The following ARID1B variants were observed in gnomAD, a reference collection of about 807,000 sequenced individuals.
ARID1B encodes the protein AT-rich interactive domain-containing protein 1B.
A neutral mutation model predicts 212.3 loss-of-function variants in ARID1B; 30 were observed. The observed-to-expected ratio is 0.14, with a 90% CI of 0.11 to 0.19. The LOEUF is 0.19. Among genes scored for constraint, ARID1B ranks in the 10% least tolerant of loss-of-function variants. The probability of loss-of-function intolerance (pLI) is 1.00; values close to 1 mark genes in which losing one functional copy is unlikely to be tolerated. For missense variants in ARID1B, 2,891 were observed against 3,204.0 expected (o/e 0.90, Z 2.36); for synonymous variants, 1,402 against 1,301.7 (o/e 1.08, Z -1.66).
At chr6:157,083,588 A>T (rs1051925657) in intron 4 of ARID1B, among the ~76,000 whole-genome samples, 9 of 152,144 alleles carry the variant, frequency 5.9e-5, no homozygotes, top group African/African-American at 2.2e-4. Flanking sequence ...GTCCTCAGTA[A>T]CGTAACCTTC....
intron 4 of ARID1B, among the ~76,000 whole-genome samples, chr6:156,988,423 G>T (rs956839117): frequency 1.3e-5 from 2 of 152,070 alleles, no homozygotes; most frequent in Admixed American, 6.5e-5. Flanking sequence ...CAGGGGATTC[G>T]CTGCAAACCA....
chr6:156,932,211 C>T (rs967750175), intron 3 of ARID1B, among the ~76,000 whole-genome samples: 59 of 151,238 alleles, frequency 3.9e-4, no homozygotes, highest in East Asian at 9.7e-4. Context: ...ATTACTACTA[C>T]GCTAAACTTT....
At chr6:156,796,700 A>C (rs895274182) in intron 1 of ARID1B, among the ~76,000 whole-genome samples, 2 of 152,224 alleles carry the variant, frequency 1.3e-5, no homozygotes, top group Admixed American at 6.5e-5. Flanking sequence ...TCTTCCAGGC[A>C]TAGAGAATAG....
chr6:156,973,082 A>C (rs1423108321), intron 4 of ARID1B, among the ~76,000 whole-genome samples: 1 of 152,240 alleles, frequency 6.6e-6, no homozygotes, highest in East Asian at 1.9e-4. Context: ...ACATCATATA[A>C]GCAAAAGCCT....
chr6:156,778,845 G>A lies in ARID1B; in HGVS notation c.1165G>A (p.Ala389Thr), dbSNP rs1433649499. 7.1e-7 allele frequency: 1 copy of A among 1,417,746 alleles called. No individual in the cohort carries two copies. Among genetic ancestry groups the A allele is most frequent in the Admixed American group, 3.0e-5 (1 of 33,014 alleles). The allele number at this position is 1,417,746 out of a possible 1,614,324, so 87.8% of individuals were successfully genotyped here. A position where few individuals can be genotyped will look rare whatever the true frequency, so the allele number is the denominator to read the frequency against. The change falls in exon 1 of 20, where the codon GCG becomes ACG. Residue 389 changes from alanine (A) to threonine (T), a missense_variant. Physicochemically the swap from Ala to Thr is moderately conservative, Grantham distance 58. Transcript: ENST00000636930. ...NHYPGYSRPG[A>T]GGGGGGGGGG... ...TTATCCGGGCTACAGCCGGCCCGGC[G>A]CGGGCGGCGGCGGCGGCGGCGGCGG...
chr6:157,010,404 C>A (rs1039529158), intron 4 of ARID1B, among the ~76,000 whole-genome samples: 4 of 151,062 alleles, frequency 2.6e-5, no homozygotes, highest in Admixed American at 2.6e-4. Context: ...CTCACTGCAA[C>A]CTCCACCTCC....
chr6:156,977,323 A>G (rs1179312628), intron 4 of ARID1B, among the ~76,000 whole-genome samples: 2 of 148,658 alleles, frequency 1.3e-5, no homozygotes, highest in Non-Finnish European at 3.0e-5. Context: ...AACTAAATAT[A>G]TATATTAGAC....
chr6:156,881,729 A>C (rs1472545148), intron 2 of ARID1B, among the ~76,000 whole-genome samples: 2 of 152,160 alleles, frequency 1.3e-5, no homozygotes, highest in African/African-American at 4.8e-5. Flanking sequence ...ATTCCTTAAA[A>C]ATTGCCTCAC....
intron 4 of ARID1B, among the ~76,000 whole-genome samples, chr6:157,017,712 C>T (rs1779987216): frequency 6.6e-6 from 1 of 152,148 alleles, no homozygotes; most frequent in South Asian, 2.1e-4. Flanking sequence ...TTAGGACAAT[C>T]CATGAGTAAA....
chr6:157,188,193 CAACTT>C (rs1793113271), intron 13 of ARID1B, among the ~76,000 whole-genome samples: 1 of 151,448 alleles, frequency 6.6e-6, no homozygotes. Context: ...ATGTACCCCT[CAACTT>C]AAAGTTTAAA....
At chr6:156,798,542 G>T (rs939204141) in intron 1 of ARID1B, among the ~76,000 whole-genome samples, 6 of 152,250 alleles carry the variant, frequency 3.9e-5, no homozygotes, top group Admixed American at 3.9e-4. Context: ...TGCTGCCCTC[G>T]CTCCTTGTTG....
chr6:156,976,139 A>G (rs1777233219), intron 4 of ARID1B, among the ~76,000 whole-genome samples: 1 of 152,130 alleles, frequency 6.6e-6, no homozygotes, highest in South Asian at 2.1e-4. Context: ...ACAAATCACA[A>G]TGGTGGAATG....
chr6:157,148,750 C>A lies in ARID1B; in HGVS notation c.2888C>A (p.Ala963Asp). The A allele has an allele frequency of 6.2e-7, 1 of 1,613,272 alleles. No individual in the cohort carries two copies. Among genetic ancestry groups the A allele is most frequent in the Non-Finnish European group, 8.5e-7 (1 of 1,179,978 alleles). Residue 963 changes from alanine (A) to aspartate (D), a missense_variant, in exon 8 of 20, where the codon GCT (alanine) becomes GAT (aspartate). Physicochemically the swap from Ala to Asp is moderately radical, Grantham distance 126 (BLOSUM62 -2). Around this residue, in one of 7 missense-constraint regions of ARID1B, gnomAD observed 1,643 missense variants for 1,544.0 expected, o/e 1.06. Transcript: ENST00000636930. This position sits in a 1 kb window ranked among gnomAD's most constrained non-coding sequence, Gnocchi z 5.6. ...HGQGPSQPCGAVPLGRMPSAG... is the reference protein window; with the variant it reads ...HGQGPSQPCGDVPLGRMPSAG... ...CAAGGGCCAAGCCAGCCATGTGGTG[C>A]TGTGCCCCTGGGACGAATGCCATCA... is the stretch of plus-strand genomic sequence containing the variant.
chr6:156,810,608 A>C (rs1048594999), intron 1 of ARID1B, among the ~76,000 whole-genome samples: 2 of 152,200 alleles, frequency 1.3e-5, no homozygotes, highest in Non-Finnish European at 2.9e-5. Context: ...GGGGTCTCTG[A>C]TCTCTTGATC....
At chr6:156,946,430 A>T (rs17087943) in intron 4 of ARID1B, among the ~76,000 whole-genome samples, 6,662 of 152,162 alleles carry the variant, frequency 0.044, 473 homozygotes, top group African/African-American at 0.15. Flanking sequence ...TGAGTGTCCA[A>T]GATAGAGGTG....
chr6:157,049,887 A>G (rs1205823509), intron 4 of ARID1B, among the ~76,000 whole-genome samples: 2 of 152,324 alleles, frequency 1.3e-5, no homozygotes, highest in Non-Finnish European at 1.5e-5. Flanking sequence ...TAATCTCCTC[A>G]TAAAAGGATA....
At chr6:156,951,622 TTTAGTAG>T (rs1793598072) in intron 4 of ARID1B, among the ~76,000 whole-genome samples, 1 of 152,036 alleles carries the variant, frequency 6.6e-6, no homozygotes, top group East Asian at 1.9e-4. Context: ...TTTTTGTGTT[TTTAGTAG>T]AGATGGGGTT....
intron 2 of ARID1B, among the ~76,000 whole-genome samples, chr6:156,867,247 A>T (rs1211515163): frequency 6.6e-6 from 1 of 152,216 alleles, no homozygotes; most frequent in Non-Finnish European, 1.5e-5. Context: ...TCCATGGAAA[A>T]GATGGTGCAA....
At chr6:156,983,770 A>G (rs1198889152) in intron 4 of ARID1B, among the ~76,000 whole-genome samples, 2 of 151,954 alleles carry the variant, frequency 1.3e-5, no homozygotes, top group Admixed American at 1.3e-4. Flanking sequence ...AAGAGGGATG[A>G]TGGTGGTCAG....
Sources: allele counts gnomAD v4.1 joint callset (sites outside exome capture counted in the v4.1 genomes callset), GRCh38; gene constraint gnomAD v4.1.1; regional missense constraint gnomAD v4.1.1; non-coding constraint Gnocchi (gnomAD v3.1); transcripts MANE v1.5; gene names NCBI Gene and HGNC (gene_info 2026-07-23, HGNC 2026-07-21).